Variants in CSMD1 observed in about 807,000 individuals in gnomAD.
The protein encoded by CSMD1 is CUB and sushi domain-containing protein 1.
CSMD1 carries 213 observed loss-of-function variants against 417.5 expected under a neutral mutation model. That is an observed-to-expected ratio of 0.51 (90% CI 0.46 to 0.57). CSMD1 has a LOEUF of 0.57. Among genes scored for constraint, CSMD1 ranks in the 20% least tolerant of loss-of-function variants. The pLI, the probability that CSMD1 is intolerant of heterozygous loss-of-function variation, is 0.00. For missense variants in CSMD1, 6,923 were observed against 4,529.7 expected (o/e 1.53, Z -15.17); for synonymous variants, 2,862 against 1,736.8 (o/e 1.65, Z -16.11).
intron 35 of CSMD1, among the ~76,000 whole-genome samples, chr8:3,188,227 T>TATCTATCC (rs1479602691): frequency 8.4e-6 from 1 of 118,500 alleles, no homozygotes; most frequent in African/African-American, 3.3e-5. Context: ...TCTATCTATC[T>TATCTATCC]ATATATACAT....
chr8:4,067,280 G>A (rs140371312), intron 3 of CSMD1, among the ~76,000 whole-genome samples: 1 of 152,172 alleles, frequency 6.6e-6, no homozygotes. Context: ...AGCCGAGATA[G>A]AATTTTTTCA....
chr8:3,877,766 C>G (rs949333346), intron 5 of CSMD1, among the ~76,000 whole-genome samples: 3 of 152,130 alleles, frequency 2.0e-5, no homozygotes, highest in African/African-American at 2.4e-5. Context: ...ATATGTAAAT[C>G]TAGCGTTAGC....
chr8:3,436,626 A>G (rs1308816517), intron 12 of CSMD1, among the ~76,000 whole-genome samples: 3 of 152,204 alleles, frequency 2.0e-5, no homozygotes, highest in Non-Finnish European at 4.4e-5. Context: ...CATCACACCA[A>G]CATAGTGATT....
chr8:3,373,242 G>T (rs1810085822), intron 18 of CSMD1: 1 of 152,076 alleles, frequency 6.6e-6, no homozygotes, highest in Non-Finnish European at 1.5e-5. Context: ...ATTTATTGGG[G>T]AAAAATCTGG....
At chr8:4,226,056 G>A (rs1343672956) in intron 3 of CSMD1, among the ~76,000 whole-genome samples, 1 of 138,382 alleles carries the variant, frequency 7.2e-6, no homozygotes, top group Admixed American at 7.7e-5. Context: ...GAAGGTTAGA[G>A]CTGACAGGCG....
At chr8:4,972,790 G>A (rs762854315) in intron 1 of CSMD1, among the ~76,000 whole-genome samples, 1 of 152,138 alleles carries the variant, frequency 6.6e-6, no homozygotes, top group African/African-American at 2.4e-5. Flanking sequence ...CATGAAGTTA[G>A]GAGCTAGGTG....
At chr8:3,535,117 T>TA (rs1187740101) in intron 10 of CSMD1, among the ~76,000 whole-genome samples, 1 of 142,344 alleles carries the variant, frequency 7.0e-6, no homozygotes, top group East Asian at 2.0e-4. Context: ...CAGCTAATAT[T>TA]TTTTTTTTTT....
intron 1 of CSMD1, among the ~76,000 whole-genome samples, chr8:4,959,228 T>C (rs1027739229): frequency 6.6e-6 from 1 of 152,190 alleles, no homozygotes; most frequent in Non-Finnish European, 1.5e-5. Context: ...CGGTGCTTGT[T>C]ATGTATTTTT....
At position 3,411,815 on chromosome 8, in the gene CSMD1, T is replaced by TGC. The variant is rs1217704145; in HGVS notation, c.1562-2211_1562-2210insGC. On this transcript the variant is annotated intron_variant, in intron 12 of 69. Coordinates refer to ENST00000635120, the MANE Select transcript of CSMD1 (RefSeq NM_033225.6). The stretch of plus-strand genomic sequence containing the variant: ...ATACACGTATATATACACGTATATA[T>TGC]ACGTGTATATGTATATATGCACGTA... 1.5e-3 allele frequency among the ~76,000 whole-genome samples: 191 copies of TGC among 125,220 alleles called. 1 individual carries two copies. The highest frequency in any genetic ancestry group is 9.9e-3 in the East Asian group (28 of 2,830). 82.1% of individuals were successfully genotyped at this position (125,220 alleles called of 152,430 possible).
intron 11 of CSMD1, among the ~76,000 whole-genome samples, chr8:3,470,462 T>C (rs1817022575): frequency 6.6e-6 from 1 of 152,194 alleles, no homozygotes; most frequent in Non-Finnish European, 1.5e-5. Flanking sequence ...TGCAAAACTA[T>C]AACAATCAGG....
At chr8:3,478,560 G>A (rs1817556582) in intron 11 of CSMD1, among the ~76,000 whole-genome samples, 1 of 152,138 alleles carries the variant, frequency 6.6e-6, no homozygotes, top group Admixed American at 6.5e-5. Context: ...CAGAGAAACA[G>A]CAGAGCATGG....
chr8:3,559,299 C>A (rs1237775249), intron 10 of CSMD1, among the ~76,000 whole-genome samples: 1 of 152,122 alleles, frequency 6.6e-6, no homozygotes, highest in Non-Finnish European at 1.5e-5. Context: ...ATGAAGATCG[C>A]CATGGAATGA....
chr8:3,869,271 A>C (rs1805317188), intron 5 of CSMD1, among the ~76,000 whole-genome samples: 1 of 152,072 alleles, frequency 6.6e-6, no homozygotes, highest in African/African-American at 2.4e-5. Flanking sequence ...CTCTTTCTCA[A>C]ATTGTGACAC....
intron 1 of CSMD1, among the ~76,000 whole-genome samples, chr8:4,746,004 G>C (rs1032508144): frequency 2.6e-5 from 4 of 152,180 alleles, no homozygotes; most frequent in Non-Finnish European, 4.4e-5. Flanking sequence ...TTTAGAAAAA[G>C]AAAATCTTCT....
chr8:4,311,163 G>C (rs1416826113), intron 3 of CSMD1, among the ~76,000 whole-genome samples: 2 of 152,144 alleles, frequency 1.3e-5, no homozygotes, highest in African/African-American at 4.8e-5. Flanking sequence ...AAGCCCAGTG[G>C]AATATAAATC....
At position 4,742,953 on chromosome 8, in the gene CSMD1, C is replaced by G. The variant is rs530905805; in HGVS notation, c.86-105395G>C. Among the ~76,000 whole-genome samples, 124 of 152,230 alleles carry G rather than the reference C, an allele frequency of 8.1e-4. 1 individual carries two copies. The highest frequency in any genetic ancestry group is 2.9e-3 in the African/African-American group (122 of 41,538). On this transcript the variant is annotated intron_variant, in intron 1 of 69. Transcript: ENST00000635120. ...AAATGTATAAATGATACCAAAAGTG[C>G]ATTATCTACAACTAAAGGAGAAACA... is the stretch of plus-strand genomic sequence containing the variant.
chr8:2,965,782 G>A lies in CSMD1; in HGVS notation c.9273C>T (p.Val3091=). 6.2e-7 allele frequency: 1 copy of A among 1,603,786 alleles called. No individual in the cohort carries two copies. The highest frequency in any genetic ancestry group is 8.5e-7 in the Non-Finnish European group (1 of 1,174,726). Residue 3091 remains valine, a synonymous_variant, in exon 59 of 70, where the codon GTC becomes GTT. Coordinates refer to ENST00000635120, the MANE Select transcript of CSMD1 (RefSeq NM_033225.6). ...AAGAGTCACCAAACAAACCTTTGCA[G>A]ACAGGTTTGCTCGGATTCCACCTGC... ...KDGRWNPSKP[V]CKAVLCPQPP... is the part of the protein sequence containing the mutation.
intron 3 of CSMD1, among the ~76,000 whole-genome samples, chr8:4,252,328 A>T (rs1407750632): frequency 1.3e-5 from 2 of 152,200 alleles, no homozygotes; most frequent in Admixed American, 6.5e-5. Context: ...ATATCTCTAC[A>T]ATGAAGAATA....
chr8:4,123,850 A>T (rs1802617738), intron 3 of CSMD1, among the ~76,000 whole-genome samples: 1 of 152,202 alleles, frequency 6.6e-6, no homozygotes, highest in African/African-American at 2.4e-5. Flanking sequence ...GAGAACACGG[A>T]ACTTTCAACG....
Sources: gnomAD v4.1 joint callset for allele counts (sites outside exome capture counted in the v4.1 genomes callset) on GRCh38, gnomAD v4.1.1 for gene constraint, MANE v1.5 for transcripts, NCBI Gene and HGNC (gene_info 2026-07-23, HGNC 2026-07-21) for gene names.